AKAP1: variants seen among roughly 807,000 people sequenced by gnomAD.
AKAP1 encodes A-kinase anchor protein 1, mitochondrial.
Under a neutral mutation model 79.8 loss-of-function variants are expected in AKAP1, and 32 were observed. The ratio of observed to expected loss-of-function variants is 0.40; its 90% confidence interval spans 0.30 to 0.54. AKAP1 has a LOEUF of 0.54. AKAP1 is among the 20% of genes least tolerant of loss of function. The pLI, the probability that AKAP1 is intolerant of heterozygous loss-of-function variation, is 0.47. For missense variants in AKAP1, 961 were observed against 1,138.9 expected (o/e 0.84, Z 2.25); for synonymous variants, 416 against 466.7 (o/e 0.89, Z 1.40).
In AKAP1 at chr17:57,102,715, A is replaced by C. The variant is rs909246768; in HGVS notation, c.-24-2726A>C. ...TCTCAATCTCCTGACCTCGTGATCC[A>C]CCCGCCTCAGCCTCTGAAAGTGCTA... On this transcript the variant is annotated intron_variant, in intron 1 of 10. Coordinates refer to ENST00000337714, the MANE Select transcript of AKAP1 (RefSeq NM_003488.4). Among the ~76,000 whole-genome samples the C allele has an allele frequency of 4.6e-5, 7 of 151,496 alleles. No homozygotes were observed. The South Asian group carries it at 1.5e-3, about 32-fold the overall frequency.
chr17:57,088,583 T>G (rs1189409578), intron 1 of AKAP1, among the ~76,000 whole-genome samples: 1 of 152,180 alleles, frequency 6.6e-6, no homozygotes, highest in African/African-American at 2.4e-5. Flanking sequence ...GAGTTAAAAC[T>G]AGGTCCTCTG....
chr17:57,110,631 G>C (rs2144743539), intron 3 of AKAP1, among the ~76,000 whole-genome samples: 2 of 152,268 alleles, frequency 1.3e-5, no homozygotes, highest in South Asian at 4.1e-4. Context: ...TCCTACCCTT[G>C]AGAGTGACTG....
chr17:57,116,021 G>T, intron 6 of AKAP1, 90 bp from the exon 7 acceptor site: 1 of 1,478,512 alleles, frequency 6.8e-7, no homozygotes, highest in East Asian at 2.3e-5. Context: ...GCCTCTGAGA[G>T]GTAACGCAGG....
intron 3 of AKAP1, 63 bp from the exon 4 acceptor site, chr17:57,111,735 C>A: frequency 6.3e-7 from 1 of 1,595,656 alleles, no homozygotes; most frequent in Non-Finnish European, 8.6e-7. Context: ...AGAAGTAGGT[C>A]TTTGGGTGTC....
chr17:57,099,556 C>T (rs928227909), intron 1 of AKAP1, among the ~76,000 whole-genome samples: 1 of 152,116 alleles, frequency 6.6e-6, no homozygotes, highest in African/African-American at 2.4e-5. Flanking sequence ...AGGAGGCCAT[C>T]CCTGGCTTGG....
At position 57,106,641 on chromosome 17, in the gene AKAP1, C is replaced by T. The variant is rs1426468648; in HGVS notation, c.1177C>T (p.His393Tyr). 3 of 1,614,012 alleles carry T rather than the reference C, an allele frequency of 1.9e-6. No individual in the cohort carries two copies. Among genetic ancestry groups the T allele is most frequent in the Non-Finnish European group, 2.5e-6 (3 of 1,180,044 alleles). ...GQKEESCVPV[H>Y]QKTVLGPDTA... The stretch of plus-strand genomic sequence containing the variant: ...GAAGGAAGAGAGCTGTGTCCCAGTT[C>T]ACCAGAAAACTGTCTTGGGCCCAGA... Residue 393 changes from histidine (H) to tyrosine (Y), a missense_variant, in exon 2 of 11, where the codon CAC becomes TAC. Around this residue, in one of 3 missense-constraint regions of AKAP1, gnomAD observed 629 missense variants for 781.1 expected, o/e 0.81. Coordinates refer to ENST00000337714, the MANE Select transcript of AKAP1 (RefSeq NM_003488.4).
chr17:57,108,825 G>C (rs1236720591), intron 2 of AKAP1, among the ~76,000 whole-genome samples: 1 of 152,218 alleles, frequency 6.6e-6, no homozygotes, highest in Non-Finnish European at 1.5e-5. Flanking sequence ...GGGAGCCATC[G>C]GGATGGCAGG....
Position 57,120,445 on chromosome 17 carries a change from A to G in AKAP1, c.*121A>G. The stretch of plus-strand genomic sequence containing the variant: ...TCTCCAGAAAGTCCTTTCTTTCTCC[A>G]TACTGTAGTCCTATTGAGAAGACAT... On this transcript the variant is annotated 3_prime_UTR_variant, in exon 11 of 11. Transcript: ENST00000337714. 1 of 802,596 alleles carries G rather than the reference A, an allele frequency of 1.2e-6. No individual in the cohort carries two copies. The highest frequency in any genetic ancestry group is 2.0e-6 in the Non-Finnish European group (1 of 499,324). The allele number at this position is 802,596 out of a possible 1,614,324, so 49.7% of individuals were successfully genotyped here.
chr17:57,109,038 C>T (rs530163024), intron 2 of AKAP1, among the ~76,000 whole-genome samples: 1 of 152,342 alleles, frequency 6.6e-6, no homozygotes, highest in South Asian at 2.1e-4. Context: ...GAAGGTGATT[C>T]TTCCTTAGCT....
At chr17:57,089,610 G>GC (rs1567895071) in intron 1 of AKAP1, among the ~76,000 whole-genome samples, 1 of 151,642 alleles carries the variant, frequency 6.6e-6, no homozygotes, top group African/African-American at 2.4e-5. Context: ...GGCCTAGAAA[G>GC]TTTTTTTTTC....
rs80002337 is a variant in AKAP1, at chr17:57,107,415, C to T, written c.1714+237C>T. ...GTAACTTGGTTCCTCAACCGGTGAC[C>T]TTCCCCAGTGAGCCCTTCCCAAGGA... On this transcript the variant is annotated intron_variant, in intron 2 of 10. Transcript: ENST00000337714. 6.3e-3 allele frequency among the ~76,000 whole-genome samples: 955 copies of T among 152,302 alleles called. 12 individuals carry two copies. The highest frequency in any genetic ancestry group is 0.022 in the African/African-American group (912 of 41,554).
At chr17:57,103,727 G>A (rs1223083715) in intron 1 of AKAP1, among the ~76,000 whole-genome samples, 5 of 152,186 alleles carry the variant, frequency 3.3e-5, no homozygotes, top group African/African-American at 9.7e-5. Flanking sequence ...AAGTTTGCTG[G>A]CATAGGAAGC....
chr17:57,101,411 A>G (rs1048126237), intron 1 of AKAP1, among the ~76,000 whole-genome samples: 1 of 152,088 alleles, frequency 6.6e-6, no homozygotes, highest in African/African-American at 2.4e-5. Flanking sequence ...TCCTGGCCTC[A>G]AGCGATTTGC....
intron 9 of AKAP1, 134 bp from the exon 10 acceptor site, chr17:57,118,848 C>A: frequency 5.4e-6 from 5 of 927,954 alleles, no homozygotes; most frequent in East Asian, 4.9e-5. Context: ...ATGGGCACAC[C>A]GCCTCATGAT....
rs144612938 is a variant in AKAP1, at chr17:57,100,507, C to A, written c.-24-4934C>A. On this transcript the variant is annotated intron_variant, in intron 1 of 10. Transcript: ENST00000337714. ...TGCCGTGTGCCTGTAATCCCAGCTACTTGGGAGGCTGAGGTGGGAGAATCA... is the reference window on the plus strand; with the variant it reads ...TGCCGTGTGCCTGTAATCCCAGCTAATTGGGAGGCTGAGGTGGGAGAATCA... Among the ~76,000 whole-genome samples, 636 of 152,158 alleles carry A rather than the reference C, an allele frequency of 4.2e-3. 2 individuals are homozygous for A. Among genetic ancestry groups the A allele is most frequent in the African/African-American group, 0.015 (602 of 41,466 alleles).
chr17:57,110,199 A>G, intron 3 of AKAP1, 41 bp downstream of exon 3: 1 of 1,609,196 alleles, frequency 6.2e-7, no homozygotes, highest in Non-Finnish European at 8.5e-7. Flanking sequence ...TGGTAAGCCC[A>G]AAGCTCCCTG....
intron 1 of AKAP1, among the ~76,000 whole-genome samples, chr17:57,090,013 G>A (rs754999875): frequency 1.3e-5 from 2 of 152,146 alleles, no homozygotes; most frequent in Admixed American, 6.5e-5. Flanking sequence ...ATCTCAGTGC[G>A]GCCCTTCTCT....
At chr17:57,107,422 A>G (rs1208567475) in intron 2 of AKAP1, among the ~76,000 whole-genome samples, 2 of 152,212 alleles carry the variant, frequency 1.3e-5, no homozygotes, top group African/African-American at 2.4e-5. Flanking sequence ...GACCTTCCCC[A>G]GTGAGCCCTT....
chr17:57,105,300 G>A, intron 1 of AKAP1, 141 bp from the exon 2 acceptor site: 1 of 787,300 alleles, frequency 1.3e-6, no homozygotes, highest in Non-Finnish European at 2.1e-6. Flanking sequence ...CGAGCTGAGA[G>A]GTGTGCTCCT....
Sources: allele counts gnomAD v4.1 joint callset (sites outside exome capture counted in the v4.1 genomes callset), GRCh38; gene constraint gnomAD v4.1.1; regional missense constraint gnomAD v4.1.1; transcripts MANE v1.5; gene names NCBI Gene and HGNC (gene_info 2026-07-23, HGNC 2026-07-21).